STPG2: variants seen among roughly 807,000 people sequenced by gnomAD.
The protein encoded by STPG2 is sperm-tail PG-rich repeat-containing protein 2.
In STPG2, 56 loss-of-function variants were observed where a neutral mutation model predicts 54.2. That is an observed-to-expected ratio of 1.03 (90% CI 0.83 to 1.29). STPG2 has a LOEUF of 1.29. Among genes scored for constraint, STPG2 ranks in the 50% most tolerant of loss-of-function variants. The pLI is 0.00. For missense variants in STPG2, 596 were observed against 544.9 expected, an observed-to-expected ratio of 1.09 and a Z score of -0.93; for synonymous variants, 200 against 181.8, an observed-to-expected ratio of 1.10 and a Z score of -0.81.
intron 9 of STPG2, among the ~76,000 whole-genome samples, chr4:97,819,504 G>A (rs1480916330): frequency 2.0e-5 from 3 of 151,976 alleles, no homozygotes; most frequent in African/African-American, 4.8e-5. Flanking sequence ...TTATTTTCAT[G>A]AGTAATGATC....
At chr4:97,913,231 CA>C (rs1401780442) in intron 8 of STPG2, among the ~76,000 whole-genome samples, 3 of 152,140 alleles carry the variant, frequency 2.0e-5, no homozygotes, top group African/African-American at 7.2e-5. Context: ...TCATCTTTAT[CA>C]ATCACTTTAT....
intron 6 of STPG2, among the ~76,000 whole-genome samples, chr4:97,980,179 A>T (rs929324630): frequency 4.6e-5 from 7 of 152,074 alleles, no homozygotes; most frequent in Non-Finnish European, 7.4e-5. Context: ...AGAGAGAGAG[A>T]TCATGCCTCA....
chr4:97,657,627 C>T (rs1722252238), intron 10 of STPG2, among the ~76,000 whole-genome samples: 2 of 152,102 alleles, frequency 1.3e-5, no homozygotes, highest in South Asian at 2.1e-4. Flanking sequence ...AAGAATTGAC[C>T]GATATCTACT....
intron 7 of STPG2, among the ~76,000 whole-genome samples, chr4:97,952,853 A>T (rs1414099940): frequency 6.6e-6 from 1 of 152,166 alleles, no homozygotes; most frequent in Non-Finnish European, 1.5e-5. Flanking sequence ...GAGGTCATGC[A>T]CAAGTTTTCT....
intron 4 of STPG2, among the ~76,000 whole-genome samples, chr4:97,481,480 C>G (rs1011453717): frequency 5.9e-5 from 9 of 151,522 alleles, no homozygotes; most frequent in African/African-American, 1.2e-4. Context: ...ATCTTCTAAT[C>G]TATTAATAAA....
intron 9 of STPG2, among the ~76,000 whole-genome samples, chr4:97,818,198 T>C (rs1727973975): frequency 6.6e-6 from 1 of 151,966 alleles, no homozygotes; most frequent in African/African-American, 2.4e-5. Context: ...CTATATATTA[T>C]CTATATAGAG....
At chr4:97,872,319 T>A (rs1730019153) in intron 8 of STPG2, among the ~76,000 whole-genome samples, 2 of 151,174 alleles carry the variant, frequency 1.3e-5, no homozygotes, top group Non-Finnish European at 3.0e-5. Flanking sequence ...ACTAAAGGCT[T>A]AAACATTTTT....
At chr4:97,573,625 G>A (rs1427440674) in intron 10 of STPG2, among the ~76,000 whole-genome samples, 2 of 151,564 alleles carry the variant, frequency 1.3e-5, no homozygotes, top group African/African-American at 2.4e-5. Context: ...TCTTCTATGG[G>A]GAGAAAAAGA....
intron 9 of STPG2, among the ~76,000 whole-genome samples, chr4:97,799,438 A>G (rs892245149): frequency 1.3e-5 from 2 of 152,134 alleles, no homozygotes; most frequent in African/African-American, 4.8e-5. Flanking sequence ...TCCTTCACTT[A>G]TGAAACTTTG....
At chr4:97,981,381 T>TA (rs1162793728) in intron 5 of STPG2, 63 bp from the exon 6 acceptor site, 22 of 1,530,820 alleles carry the variant, frequency 1.4e-5, no homozygotes, top group Non-Finnish European at 2.0e-5. Flanking sequence ...CTTCATGAGT[T>TA]AAAACCTGCC....
chr4:98,120,208 G>A (rs2110154629), intron 3 of STPG2, among the ~76,000 whole-genome samples: 2 of 152,136 alleles, frequency 1.3e-5, no homozygotes, highest in South Asian at 4.2e-4. Context: ...AGCCTCCCGA[G>A]TAACTGGGAC....
intron 8 of STPG2, among the ~76,000 whole-genome samples, chr4:97,891,927 G>A (rs966898851): frequency 1.3e-5 from 2 of 152,028 alleles, no homozygotes; most frequent in Admixed American, 1.3e-4. Context: ...CAGTAAATCA[G>A]CCAATCCCCC....
chr4:97,613,068 T>C (rs576101740), intron 10 of STPG2, among the ~76,000 whole-genome samples: 15 of 152,226 alleles, frequency 9.9e-5, no homozygotes, highest in African/African-American at 3.6e-4. Context: ...ACATCTTACA[T>C]ACCATTTACC....
chr4:98,108,795 C>A (rs564505704), intron 4 of STPG2, among the ~76,000 whole-genome samples: 59 of 151,800 alleles, frequency 3.9e-4, no homozygotes, highest in African/African-American at 1.3e-3. Flanking sequence ...ATTAACTATG[C>A]AAAGCTTGCT....
At chr4:97,758,196 G>A (rs1407704911) in intron 9 of STPG2, among the ~76,000 whole-genome samples, 1 of 152,086 alleles carries the variant, frequency 6.6e-6, no homozygotes, top group Non-Finnish European at 1.5e-5. Flanking sequence ...GAATAGAAAG[G>A]CCCTAGAGGG....
chr4:97,970,057 C>T (rs983672224), intron 7 of STPG2, among the ~76,000 whole-genome samples: 1 of 152,162 alleles, frequency 6.6e-6, no homozygotes, highest in African/African-American at 2.4e-5. Context: ...CTCCCATTCA[C>T]AATTGCTTCA....
chr4:97,798,706 T>G (rs1450473405), intron 9 of STPG2, among the ~76,000 whole-genome samples: 1 of 116,564 alleles, frequency 8.6e-6, no homozygotes, highest in African/African-American at 3.4e-5. Context: ...GGTCCACTTG[T>G]TGCAGAGCTG....
chr4:97,708,473 T>C (rs544033244), intron 10 of STPG2, among the ~76,000 whole-genome samples: 2 of 152,024 alleles, frequency 1.3e-5, no homozygotes, highest in South Asian at 2.1e-4. Context: ...AGCATGTAAT[T>C]AGAGGTATTA....
chr4:97,570,314 T>C (rs1732567072), intron 10 of STPG2, among the ~76,000 whole-genome samples: 1 of 152,148 alleles, frequency 6.6e-6, no homozygotes, highest in South Asian at 2.1e-4. Context: ...TATATTGTTA[T>C]TCTTTGGAAA....
Sources: allele counts gnomAD v4.1 joint callset (sites outside exome capture counted in the v4.1 genomes callset), GRCh38; gene constraint gnomAD v4.1.1; transcripts MANE v1.5; gene names NCBI Gene and HGNC (gene_info 2026-07-23, HGNC 2026-07-21).